The following ZFP1 variants were observed in gnomAD, a reference collection of about 807,000 sequenced individuals.
ZFP1 encodes zinc finger protein 1 homolog.
ZFP1 carries 32 observed loss-of-function variants against 38.5 expected under a neutral mutation model. The ratio of observed to expected loss-of-function variants is 0.83; its 90% CI spans 0.63 to 1.12. The LOEUF (loss-of-function observed/expected upper bound fraction) is 1.12, where lower values mean the gene tolerates loss of function less well. ZFP1 is among the 50% of genes most tolerant of loss of function. ZFP1 has a pLI of 0.00. For synonymous variants in ZFP1, 245 were observed against 168.8 expected (o/e 1.45, Z -3.50); for missense variants, 616 against 480.8 (o/e 1.28, Z -2.63).
chr16:75,152,113 TC>T (rs998177516), intron 1 of ZFP1, among the ~76,000 whole-genome samples: 32 of 152,170 alleles, frequency 2.1e-4, no homozygotes, highest in African/African-American at 7.2e-4. Context: ...ATGTCTTTTT[TC>T]CTCTGGCTAC....
At chr16:75,163,297 G>C (rs375736226) in intron 2 of ZFP1, among the ~76,000 whole-genome samples, 2 of 150,534 alleles carry the variant, frequency 1.3e-5, no homozygotes, top group Non-Finnish European at 3.0e-5. Flanking sequence ...GTGCATTGTT[G>C]TTTTTTTTGT....
chr16:75,154,064 A>G (rs796176111), intron 2 of ZFP1, among the ~76,000 whole-genome samples: 24 of 152,280 alleles, frequency 1.6e-4, no homozygotes, highest in African/African-American at 5.8e-4. Context: ...TAAAAAAAAA[A>G]GTACAAAAAA....
the ZFP1 span, among the ~76,000 whole-genome samples, chr16:75,129,577 T>C: frequency 6.6e-6 from 1 of 152,200 alleles, no homozygotes; most frequent in African/African-American, 2.4e-5. Context: ...TGGTCTCTTA[T>C]CTACCTATGA....
chr16:75,164,640 C>G (rs184139937), intron 2 of ZFP1, among the ~76,000 whole-genome samples: 1 of 152,142 alleles, frequency 6.6e-6, no homozygotes, highest in East Asian at 1.9e-4. Flanking sequence ...TCGGGGGTGT[C>G]AAACTCTGGC....
At chr16:75,122,196 T>C in the ZFP1 span, among the ~76,000 whole-genome samples, 1 of 152,252 alleles carries the variant, frequency 6.6e-6, no homozygotes, top group Admixed American at 6.5e-5. Flanking sequence ...GGAGTTCTTA[T>C]TCCTCATGCA....
chr16:75,157,649 A>C (rs941668878), intron 2 of ZFP1, among the ~76,000 whole-genome samples: 1 of 152,112 alleles, frequency 6.6e-6, no homozygotes, highest in Non-Finnish European at 1.5e-5. Flanking sequence ...TGTGTTAGTC[A>C]TTGCATATAT....
At chr16:75,149,557 C>CTTTTTTTTTTTTTTTTTTTT (rs34371791) in intron 1 of ZFP1, among the ~76,000 whole-genome samples, 4 of 101,766 alleles carry the variant, frequency 3.9e-5, no homozygotes, top group Non-Finnish European at 5.6e-5. Flanking sequence ...TCTTTACTTT[C>CTTTTTTTTTTTTTTTTTTTT]TTTTTTTTTT....
chr16:75,164,567 C>CAT (rs1245501271), intron 2 of ZFP1, among the ~76,000 whole-genome samples: 2 of 152,110 alleles, frequency 1.3e-5, no homozygotes, highest in African/African-American at 4.8e-5. Flanking sequence ...TTTGGTACAT[C>CAT]TTTGAATAGT....
intron 3 of ZFP1, among the ~76,000 whole-genome samples, chr16:75,168,740 CAGT>C (rs960993937): frequency 4.6e-5 from 7 of 152,084 alleles, no homozygotes; most frequent in African/African-American, 1.2e-4. Context: ...TAAAGATGAA[CAGT>C]AGAAAAAAAG....
At chr16:75,148,020 A>C (rs1460718166), upstream of ZFP1, among the ~76,000 whole-genome samples, 1 of 152,164 alleles carries the variant, frequency 6.6e-6, no homozygotes, top group African/African-American at 2.4e-5. Flanking sequence ...AAATATATAG[A>C]TCTCAACAAA....
chr16:75,149,480 G>T (rs2037068414), intron 1 of ZFP1, among the ~76,000 whole-genome samples: 1 of 151,884 alleles, frequency 6.6e-6, no homozygotes, highest in African/African-American at 2.4e-5. Flanking sequence ...TGTCAACGAG[G>T]GACCTCATGT....
chr16:75,159,574 AT>A lies in ZFP1; in HGVS notation c.15+6613del, dbSNP rs567269350. On this transcript the variant is annotated intron_variant, in intron 2 of 3. Coordinates refer to ENST00000570010, the MANE Select transcript of ZFP1 (RefSeq NM_153688.4). ...AGACATGTGCCACTATGCCCGGCTA[AT>A]TTTTGTACTTTTTTTAGACAGGGTT... Among the ~76,000 whole-genome samples, 657 of 150,140 alleles carry A rather than the reference AT, an allele frequency of 4.4e-3. 6 individuals carry two copies. Among genetic ancestry groups the A allele is most frequent in the African/African-American group, 0.015 (623 of 40,772 alleles).
At chr16:75,132,053 C>A in the ZFP1 span, among the ~76,000 whole-genome samples, 1 of 152,084 alleles carries the variant, frequency 6.6e-6, no homozygotes, top group South Asian at 2.1e-4. Context: ...TTTTTATCTG[C>A]AAGTTTCCCC....
rs370534990 is a variant in ZFP1 at position 75,166,751 on chromosome 16, T to C, written c.16-19T>C. The stretch of plus-strand genomic sequence containing the variant: ...CACCAAATGATCATCTTAGGATGAA[T>C]AACAATATGCCATTTCAGGGATCAG... On this transcript the variant is annotated intron_variant, in intron 2 of 3. Coordinates refer to ENST00000570010, the MANE Select transcript of ZFP1 (RefSeq NM_153688.4). 11 of 1,613,974 alleles carry C rather than the reference T, an allele frequency of 6.8e-6. No homozygotes were observed. The highest frequency in any genetic ancestry group is 2.2e-5 in the South Asian group (2 of 91,076).
chr16:75,159,183 C>T lies in ZFP1; in HGVS notation c.15+6217C>T, dbSNP rs191193695. On this transcript the variant is annotated intron_variant, in intron 2 of 3. Coordinates refer to ENST00000570010, the MANE Select transcript of ZFP1 (RefSeq NM_153688.4). ...ATGTGCTGGGATTTCAGGTATGCGC[C>T]ACATGCCTGGCCTCGTTGTTTTGGC... Among the ~76,000 whole-genome samples the T allele has an allele frequency of 3.3e-5, 5 of 151,650 alleles. No homozygotes were observed. The East Asian group carries it at 9.8e-4, about 30-fold the overall frequency.
the ZFP1 span, among the ~76,000 whole-genome samples, chr16:75,134,429 C>G: frequency 3.3e-5 from 5 of 151,820 alleles, no homozygotes; most frequent in African/African-American, 1.2e-4. Flanking sequence ...GCATCAATAG[C>G]CAGATCCCAT....
chr16:75,165,539 C>T (rs535048964), intron 2 of ZFP1, among the ~76,000 whole-genome samples: 112 of 152,128 alleles, frequency 7.4e-4, no homozygotes, highest in African/African-American at 2.6e-3. Context: ...GGATTACAGG[C>T]GCCCTCTACC....
chr16:75,166,674 A>G (rs1364722878), intron 2 of ZFP1, 96 bp from the exon 3 acceptor site: 7 of 1,598,794 alleles, frequency 4.4e-6, no homozygotes, highest in Admixed American at 1.7e-5. Flanking sequence ...TTGGTGTAAT[A>G]TATAGATTTT....
rs1046595497 is a variant in ZFP1, at chr16:75,171,799, A to T, written c.*1465A>T. On this transcript the variant is annotated 3_prime_UTR_variant, in exon 4 of 4. Coordinates refer to ENST00000570010, the MANE Select transcript of ZFP1 (RefSeq NM_153688.4). ...CCATAGCCCAATAAGCTTTTGTCTA[A>T]GTTGTCATCTTACTTACTCACAAAG... 6.6e-6 allele frequency: 1 copy of T among 152,212 alleles called. No individual in the cohort carries two copies. Among genetic ancestry groups the T allele is most frequent in the African/African-American group, 2.4e-5 (1 of 41,456 alleles). The allele number at this position is 152,212 out of a possible 1,614,324, so 9.4% of individuals were successfully genotyped here.
Sources: allele counts gnomAD v4.1 joint callset (sites outside exome capture counted in the v4.1 genomes callset), GRCh38; gene constraint gnomAD v4.1.1; transcripts MANE v1.5; gene names NCBI Gene and HGNC (gene_info 2026-07-23, HGNC 2026-07-21).